Variants in POLR3A observed in about 807,000 individuals in gnomAD.
POLR3A encodes the protein DNA-directed RNA polymerase III subunit RPC1.
A neutral mutation model predicts 152.8 loss-of-function variants in POLR3A; 112 were observed. The observed-to-expected ratio is 0.73, with a 90% confidence interval of 0.63 to 0.86. The LOEUF is 0.86. Among genes scored for constraint, POLR3A ranks in the 40% least tolerant of loss-of-function variants. The pLI is 0.00. For missense variants in POLR3A, 1,385 were observed against 1,743.1 expected (o/e 0.79, Z 3.66); for synonymous variants, 615 against 652.1 (o/e 0.94, Z 0.87).
At chr10:78,025,508 TA>T (rs747223221) in intron 3 of POLR3A, 113 bp downstream of exon 3, 3 of 988,000 alleles carry the variant, frequency 3.0e-6, no homozygotes, top group Non-Finnish European at 4.8e-6. Context: ...GTACTTAGTA[TA>T]AAAGAGTCCC....
At position 78,009,572 on chromosome 10, in the gene POLR3A, C is replaced by A; in HGVS notation, c.1874G>T (p.Cys625Phe). ...ANLRTKGKQYCGKGEDLCAND... is the reference protein window; with the variant it reads ...ANLRTKGKQYFGKGEDLCAND... ...GGCACAGAGATCTTCCCCTTTGCCA[C>A]AGTACTGCTTGCCCTTGGTTCGCAG... is the stretch of plus-strand genomic sequence containing the variant. Residue 625 changes from cysteine to phenylalanine, a missense_variant, in exon 14 of 31, where the codon TGT (cysteine) becomes TTT (phenylalanine). By Grantham distance (205) the Cys-to-Phe change is radical (BLOSUM62 -2). This residue lies in a region of POLR3A where 188 missense variants were observed against 179.9 expected (regional missense o/e 1.04). Transcript: ENST00000372371. 2 of 1,614,210 alleles carry A rather than the reference C, an allele frequency of 1.2e-6. No homozygotes were observed. Among genetic ancestry groups the A allele is most frequent in the Non-Finnish European group, 1.7e-6 (2 of 1,180,042 alleles).
chr10:78,006,665 T>G (rs1847415200), intron 15 of POLR3A, among the ~76,000 whole-genome samples: 1 of 151,754 alleles, frequency 6.6e-6, no homozygotes, highest in Non-Finnish European at 1.5e-5. Flanking sequence ...ATTAAAGAAA[T>G]AACATAAAAT....
chr10:78,018,404 C>CCTGTAATCCCAGCTACTCTG (rs1847546157), intron 9 of POLR3A, among the ~76,000 whole-genome samples: 1 of 150,404 alleles, frequency 6.6e-6, no homozygotes, highest in African/African-American at 2.5e-5. Context: ...GTGACTGAGG[C>CCTGTAATCCCAGCTACTCTG]AGGAAACTTG....
At chr10:78,024,477 G>C (rs985417851) in intron 5 of POLR3A, 72 bp downstream of exon 5, 49 of 1,512,004 alleles carry the variant, frequency 3.2e-5, no homozygotes, top group Non-Finnish European at 4.0e-5. Flanking sequence ...TTGGGGGAGA[G>C]AGTGTGCATG....
chr10:78,029,515 C>T lies in POLR3A; in HGVS notation c.-108G>A. On this transcript the variant is annotated 5_prime_UTR_variant, in exon 1 of 31. Transcript: ENST00000372371. ...TCTGGACTCGCCGCTAACACATCTG[C>T]GGCATCCTCTCGGCCACCGTAGAGT... is the stretch of plus-strand genomic sequence containing the variant. The T allele has an allele frequency of 9.1e-7, 1 of 1,102,586 alleles. No individual in the cohort carries two copies. The highest frequency in any genetic ancestry group is 1.3e-5 in the South Asian group (1 of 78,876). The allele number at this position is 1,102,586 out of a possible 1,614,324, so 68.3% of individuals were successfully genotyped here. A position where few individuals can be genotyped will look rare whatever the true frequency, so the allele number is the denominator to read the frequency against.
rs1437847867 is a variant in POLR3A at position 78,004,787 on chromosome 10, C to A, written c.2176G>T (p.Glu726Ter). The change falls in exon 16 of 31, where the codon GAG becomes TAG. Residue 726 changes from glutamate to a stop codon, truncating the protein, a stop_gained. Coordinates refer to ENST00000372371, the MANE Select transcript of POLR3A (RefSeq NM_007055.4). LOFTEE classifies it high-confidence loss of function. ...CCCGTGTTCAGGGCTTCGATGTACT[C>A]ATCACATTTCTTGTAGCCGGCATTC... ...LLNAGYKKCD[E>*]YIEALNTGKL... The A allele has an allele frequency of 1.2e-6, 2 of 1,613,878 alleles. No homozygotes were observed. Among genetic ancestry groups the A allele is most frequent in the Admixed American group, 1.7e-5 (1 of 60,010 alleles).
At chr10:77,989,073 C>A (rs1288924750) in intron 21 of POLR3A, among the ~76,000 whole-genome samples, 1 of 152,172 alleles carries the variant, frequency 6.6e-6, no homozygotes. Context: ...TTTCCCTACA[C>A]AAAGGTTCTG....
rs1006598912 is a variant in POLR3A at position 77,976,667 on chromosome 10, G to A, written c.*811C>T. 6.6e-6 allele frequency: 1 copy of A among 152,236 alleles called. No individual in the cohort carries two copies. The highest frequency in any genetic ancestry group is 1.5e-5 in the Non-Finnish European group (1 of 68,068). 9.4% of individuals were successfully genotyped at this position (152,236 alleles called of 1,614,324 possible). ...TACAAAAAACCATCTCATCCCCATT[G>A]CAGCAGGCCCCAAACTCCAGTGAGG... On this transcript the variant is annotated 3_prime_UTR_variant, in exon 31 of 31. Coordinates refer to ENST00000372371, the MANE Select transcript of POLR3A (RefSeq NM_007055.4).
chr10:77,983,989 C>T lies in POLR3A; in HGVS notation c.3360G>A (p.Val1120=). 1.9e-6 allele frequency: 3 copies of T among 1,611,124 alleles called. No homozygotes were observed. The highest frequency in any genetic ancestry group is 2.5e-6 in the Non-Finnish European group (3 of 1,177,348). Residue 1120 remains valine, a synonymous_variant, in exon 26 of 31, where the codon GTG becomes GTA. Coordinates refer to ENST00000372371, the MANE Select transcript of POLR3A (RefSeq NM_007055.4). ...GAATAAAGCAGTCATCAGGAAGAAA[C>T]ACTTCTTCAATATACTCGGAAATCT... The part of the protein sequence containing the change: ...LGEISEYIEE[V]FLPDDCFILV...
rs564160136 is a variant in POLR3A at position 78,021,842 on chromosome 10, A to C, written c.1048+18T>G. 3 of 1,613,190 alleles carry C rather than the reference A, an allele frequency of 1.9e-6. No individual in the cohort carries two copies. In the South Asian group the frequency reaches 3.3e-5, roughly 18 times the overall value. ...AAAGAGAGTGGGCTGGCTTCTGCAC[A>C]TCTTGTGGGAAACCTACCCTGTTTT... On this transcript the variant is annotated intron_variant, in intron 7 of 30. Transcript: ENST00000372371.
intron 19 of POLR3A, among the ~76,000 whole-genome samples, chr10:77,998,382 G>A (rs572932545): frequency 9.2e-5 from 14 of 152,252 alleles, no homozygotes; most frequent in South Asian, 8.3e-4. Flanking sequence ...CAGAATGGGA[G>A]AAAATTTTTG....
intron 27 of POLR3A, 145 bp downstream of exon 27, chr10:77,982,508 A>G (rs16935501): frequency 1.1e-6 from 1 of 891,296 alleles, no homozygotes; most frequent in Admixed American, 2.0e-5. Context: ...TAGAACAGAG[A>G]GGAATCTAAC....
In POLR3A at chr10:78,005,981, C is replaced by T. The variant is rs1199812448; in HGVS notation, c.2075-1093G>A. 2.6e-5 allele frequency among the ~76,000 whole-genome samples: 4 copies of T among 152,014 alleles called. No homozygotes were observed. The South Asian group carries it at 8.3e-4, about 31-fold the overall frequency. The stretch of plus-strand genomic sequence containing the variant: ...ACATGAAAGACAAAAGACACAAATG[C>T]ACAGGAAAAAGAAAGTAAAAGGATA... On this transcript the variant is annotated intron_variant, in intron 15 of 30. Coordinates refer to ENST00000372371, the MANE Select transcript of POLR3A (RefSeq NM_007055.4).
At chr10:78,001,606 G>A (rs547811937) in intron 17 of POLR3A, among the ~76,000 whole-genome samples, 10 of 152,248 alleles carry the variant, frequency 6.6e-5, no homozygotes, top group Non-Finnish European at 1.5e-4. Flanking sequence ...GAATTTGAAT[G>A]CATTATCATA....
At chr10:77,979,135 G>A (rs1265666702) in intron 30 of POLR3A, among the ~76,000 whole-genome samples, 2 of 152,148 alleles carry the variant, frequency 1.3e-5, no homozygotes, top group Non-Finnish European at 2.9e-5. Context: ...AAAGACTTAT[G>A]TAATATTTAT....
At chr10:78,017,945 G>A (rs1229684249) in intron 9 of POLR3A, among the ~76,000 whole-genome samples, 1 of 151,190 alleles carries the variant, frequency 6.6e-6, no homozygotes, top group Non-Finnish European at 1.5e-5. Flanking sequence ...AGGCTGAGAT[G>A]GGCGGACTGC....
intron 30 of POLR3A, 109 bp from the exon 31 acceptor site, chr10:77,977,735 C>T (rs1847103548): frequency 2.2e-6 from 2 of 894,258 alleles, no homozygotes; most frequent in Non-Finnish European, 3.7e-6. Flanking sequence ...AGTCCCAGCG[C>T]CACTCCACAT....
At position 77,976,166 on chromosome 10, in the gene POLR3A, G is replaced by C. The variant is rs1369910453; in HGVS notation, c.*1312C>G. On this transcript the variant is annotated 3_prime_UTR_variant, in exon 31 of 31. Transcript: ENST00000372371. Reference sequence around the variant, plus strand: ...TTTTTTTGAGACAAGGTCTTGCTTTGTTGCCCAGGCTGGAGTGTAGTGGCA... The same window carrying C: ...TTTTTTTGAGACAAGGTCTTGCTTTCTTGCCCAGGCTGGAGTGTAGTGGCA... 1 of 136,956 alleles carries C rather than the reference G, an allele frequency of 7.3e-6. No homozygotes were observed. Among genetic ancestry groups the C allele is most frequent in the Non-Finnish European group, 1.6e-5 (1 of 63,110 alleles). 8.5% of individuals were successfully genotyped at this position (136,956 alleles called of 1,614,324 possible). A position where few individuals can be genotyped will look rare whatever the true frequency, so the allele number is the denominator to read the frequency against.
intron 29 of POLR3A, among the ~76,000 whole-genome samples, chr10:77,981,047 G>A (rs1847136145): frequency 6.6e-6 from 1 of 152,012 alleles, no homozygotes; most frequent in Admixed American, 6.6e-5. Context: ...TTTTTCCTGG[G>A]AATGGCTACA....
Sources: allele counts gnomAD v4.1 joint callset (sites outside exome capture counted in the v4.1 genomes callset), GRCh38; gene constraint gnomAD v4.1.1; regional missense constraint gnomAD v4.1.1; transcripts MANE v1.5; gene names NCBI Gene and HGNC (gene_info 2026-07-23, HGNC 2026-07-21).